Variants in CUBN observed in about 807,000 individuals in gnomAD.
CUBN encodes 460 kDa receptor.
Under a neutral mutation model 405.3 loss-of-function variants are expected in CUBN, and 282 were observed. The ratio of observed to expected loss-of-function variants is 0.70; its 90% CI spans 0.63 to 0.77. The LOEUF (loss-of-function observed/expected upper bound fraction) is 0.77. CUBN is among the 30% of genes least tolerant of loss of function. The pLI is 0.00. For synonymous variants in CUBN, 1,684 were observed against 1,617.0 expected (o/e 1.04, Z -0.99); for missense variants, 4,514 against 4,475.2 (o/e 1.01, Z -0.25).
chr10:16,895,046 G>A (rs765446656), intron 54 of CUBN, among the ~76,000 whole-genome samples: 17 of 152,162 alleles, frequency 1.1e-4, no homozygotes, highest in Non-Finnish European at 2.1e-4. Flanking sequence ...AGCAGAAAAT[G>A]ATGAAAGACA....
rs944411850 is a variant in CUBN, at chr10:17,087,088, C to A, written c.1947+1076G>T. ...TTACTAATGACTTTTACTTGCAGAG[C>A]CCCTTTTTGACACCACATCCTTCTA... On this transcript the variant is annotated intron_variant, in intron 15 of 66. Transcript: ENST00000377833. 3.9e-4 allele frequency among the ~76,000 whole-genome samples: 59 copies of A among 152,182 alleles called. 1 individual carries two copies. The highest frequency in any genetic ancestry group is 3.9e-3 in the Admixed American group (59 of 15,276).
intron 51 of CUBN, 67 bp downstream of exon 51, chr10:16,903,899 A>G: frequency 7.1e-6 from 8 of 1,123,790 alleles, no homozygotes; most frequent in Admixed American, 2.6e-5. Flanking sequence ...TATATATGAA[A>G]TCTTTATGGA....
At chr10:16,958,834 T>C (rs1843142655) in intron 31 of CUBN, among the ~76,000 whole-genome samples, 1 of 152,190 alleles carries the variant, frequency 6.6e-6, no homozygotes, top group African/African-American at 2.4e-5. Context: ...TTCTTTGTGA[T>C]ACCATAGAAT....
At chr10:16,850,508 GC>G (rs1189930441) in intron 60 of CUBN, among the ~76,000 whole-genome samples, 1 of 151,948 alleles carries the variant, frequency 6.6e-6, no homozygotes, top group Non-Finnish European at 1.5e-5. Context: ...GTCTTGCTCT[GC>G]TACCCAGGCT....
chr10:17,023,358 G>A (rs11254331), intron 27 of CUBN, among the ~76,000 whole-genome samples: 36,882 of 150,114 alleles, frequency 0.25, 5,134 homozygotes, highest in East Asian at 0.39. Context: ...TAATAAATGT[G>A]TAGAACAATG....
chr10:16,879,827 A>G (rs1441301245), intron 56 of CUBN, among the ~76,000 whole-genome samples: 1 of 152,108 alleles, frequency 6.6e-6, no homozygotes, highest in East Asian at 2.0e-4. Context: ...AGCTATTAAC[A>G]ACAAGTCATT....
chr10:17,035,078 A>AT (rs370520179), intron 27 of CUBN, among the ~76,000 whole-genome samples: 9,671 of 68,728 alleles, frequency 0.14, 1,046 homozygotes, highest in African/African-American at 0.28. Flanking sequence ...AAACCTATGG[A>AT]TAAAAAAAAA....
chr10:17,035,763 C>A (rs1471506903), intron 27 of CUBN, among the ~76,000 whole-genome samples: 1 of 151,748 alleles, frequency 6.6e-6, no homozygotes, highest in Non-Finnish European at 1.5e-5. Context: ...CATGTTCTCA[C>A]TTATATGTGG....
chr10:17,125,230 A>C (rs1226108308), intron 4 of CUBN, among the ~76,000 whole-genome samples: 1 of 152,150 alleles, frequency 6.6e-6, no homozygotes, highest in African/African-American at 2.4e-5. Flanking sequence ...ATATGTGTCT[A>C]TATATATGCA....
intron 28 of CUBN, among the ~76,000 whole-genome samples, chr10:17,011,124 G>C (rs1337578058): frequency 6.6e-6 from 1 of 152,178 alleles, no homozygotes; most frequent in Non-Finnish European, 1.5e-5. Context: ...TCATGGTTGA[G>C]AACTACTGCT....
At chr10:16,842,300 A>C (rs1273931548) in intron 60 of CUBN, among the ~76,000 whole-genome samples, 1 of 152,190 alleles carries the variant, frequency 6.6e-6, no homozygotes, top group South Asian at 2.1e-4. Context: ...AGACAATACA[A>C]GTTCCATGAA....
At chr10:16,858,289 A>G (rs1422411345) in intron 59 of CUBN, among the ~76,000 whole-genome samples, 2 of 152,216 alleles carry the variant, frequency 1.3e-5, no homozygotes, top group African/African-American at 4.8e-5. Flanking sequence ...TTTTTCTGCA[A>G]ACATCAAAAA....
At chr10:17,016,059 TC>T (rs1227555175) in intron 28 of CUBN, among the ~76,000 whole-genome samples, 1 of 152,198 alleles carries the variant, frequency 6.6e-6, no homozygotes, top group Non-Finnish European at 1.5e-5. Context: ...TGGAGCCCTC[TC>T]CTGATATCTG....
chr10:16,894,801 T>C (rs1158549252), intron 54 of CUBN, among the ~76,000 whole-genome samples: 1 of 152,214 alleles, frequency 6.6e-6, no homozygotes, highest in Non-Finnish European at 1.5e-5. Flanking sequence ...GGGACATCTT[T>C]ACTATGTTGA....
At chr10:17,065,708 T>A in intron 21 of CUBN, 70 bp from the exon 22 acceptor site, 1 of 1,575,208 alleles carries the variant, frequency 6.3e-7, no homozygotes, top group East Asian at 2.3e-5. Context: ...GTAACAAAAA[T>A]TTGGACATGT....
At chr10:16,852,919 A>T (rs2131341443) in intron 59 of CUBN, among the ~76,000 whole-genome samples, 1 of 152,324 alleles carries the variant, frequency 6.6e-6, no homozygotes, top group South Asian at 2.1e-4. Flanking sequence ...ATTCAGCCAC[A>T]CTCTATATTT....
chr10:17,029,470 G>A (rs1158005977), intron 27 of CUBN, among the ~76,000 whole-genome samples: 1 of 152,182 alleles, frequency 6.6e-6, no homozygotes, highest in Non-Finnish European at 1.5e-5. Context: ...GCTAACTAAT[G>A]GATATACTTC....
At chr10:16,918,149 A>G (rs550708794) in intron 45 of CUBN, among the ~76,000 whole-genome samples, 125 of 152,148 alleles carry the variant, frequency 8.2e-4, no homozygotes, top group African/African-American at 3.0e-3. Flanking sequence ...CTATTGGTCT[A>G]TGTGTCTATT....
At chr10:17,081,936 G>T (rs1045514129) in intron 17 of CUBN, among the ~76,000 whole-genome samples, 7 of 150,974 alleles carry the variant, frequency 4.6e-5, no homozygotes, top group African/African-American at 1.7e-4. Context: ...TTAAATCACC[G>T]TACATGACCT....
Sources: gnomAD v4.1 joint callset for allele counts (sites outside exome capture counted in the v4.1 genomes callset) on GRCh38, gnomAD v4.1.1 for gene constraint, MANE v1.5 for transcripts, NCBI Gene and HGNC (gene_info 2026-07-23, HGNC 2026-07-21) for gene names.